Variants in PPFIA1 observed in about 807,000 individuals in gnomAD.
PPFIA1 encodes liprin-alpha-1.
PPFIA1 carries 25 observed loss-of-function variants against 149.9 expected under a neutral mutation model. The ratio of observed to expected loss-of-function variants is 0.17; its 90% CI spans 0.12 to 0.23. The LOEUF is 0.23. Ranked by LOEUF, PPFIA1 falls within the 10% of genes least tolerant of loss-of-function variation. PPFIA1 has a pLI of 1.00. For synonymous variants in PPFIA1, 549 were observed against 552.8 expected (o/e 0.99, Z 0.10); for missense variants, 1,362 against 1,506.5 (o/e 0.90, Z 1.59).
At chr11:70,331,088 T>C (rs2054623609) in intron 8 of PPFIA1, among the ~76,000 whole-genome samples, 1 of 151,648 alleles carries the variant, frequency 6.6e-6, no homozygotes, top group Admixed American at 6.6e-5. Context: ...AAAAATTAGC[T>C]GGGCTTGGTG....
chr11:70,303,963 G>A (rs934669607), intron 2 of PPFIA1, among the ~76,000 whole-genome samples: 8 of 152,118 alleles, frequency 5.3e-5, no homozygotes, highest in South Asian at 2.1e-4. Context: ...CTGAGATCGC[G>A]CCACTGCACT....
chr11:70,270,921 G>A lies in PPFIA1; in HGVS notation c.-1+7G>A, dbSNP rs1271452130. 4.0e-5 allele frequency: 6 copies of A among 151,562 alleles called. No homozygotes were observed. The highest frequency in any genetic ancestry group is 1.2e-4 in the African/African-American group (5 of 41,372). 9.4% of individuals were successfully genotyped at this position (151,562 alleles called of 1,614,324 possible). On this transcript the variant is annotated splice_region_variant and intron_variant, in intron 1 of 27. Coordinates refer to ENST00000253925, the MANE Select transcript of PPFIA1 (RefSeq NM_003626.5). ...GCTCCCGCCGGCGAGCAAGGTAAGG[G>A]AGCGGGACACTGAGGCAGGCTCGGG...
intron 14 of PPFIA1, 99 bp downstream of exon 14, chr11:70,339,405 G>T (rs1168577220): frequency 1.5e-5 from 20 of 1,354,410 alleles, no homozygotes; most frequent in Non-Finnish European, 1.9e-5. Flanking sequence ...ATAGGTCATT[G>T]CTTTCTTGCC....
At chr11:70,277,060 A>ATATATATATATATATATATATTT in intron 2 of PPFIA1, among the ~76,000 whole-genome samples, 2 of 66,310 alleles carry the variant, frequency 3.0e-5, no homozygotes, top group African/African-American at 2.3e-4. Flanking sequence ...ATATATATAT[A>ATATATATATATATATATATATTT]TTTTTTTTTT....
At chr11:70,354,497 C>T (rs776265677) in intron 17 of PPFIA1, 45 bp downstream of exon 17, 10 of 1,542,286 alleles carry the variant, frequency 6.5e-6, no homozygotes, top group East Asian at 2.3e-5. Flanking sequence ...CCTGTCTTTT[C>T]GTTTCTGGTG....
In PPFIA1 at chr11:70,331,941, C is replaced by G; in HGVS notation, c.1078-19C>G. ...CTAGAAGATTTGTTGCATTTTGATG[C>G]TTTGCTCTCATTTTATAGACTGAAG... On this transcript the variant is annotated intron_variant, in intron 8 of 27. Coordinates refer to ENST00000253925, the MANE Select transcript of PPFIA1 (RefSeq NM_003626.5). 1.3e-6 allele frequency: 2 copies of G among 1,594,930 alleles called. No homozygotes were observed. Among genetic ancestry groups the G allele is most frequent in the Non-Finnish European group, 1.7e-6 (2 of 1,173,536 alleles).
chr11:70,355,961 G>GT, intron 18 of PPFIA1, 150 bp downstream of exon 18: 1 of 1,129,242 alleles, frequency 8.9e-7, no homozygotes. Context: ...GAGAGCAGCA[G>GT]TTTATGCTCA....
intron 2 of PPFIA1, among the ~76,000 whole-genome samples, chr11:70,298,707 C>A (rs2052263853): frequency 6.6e-6 from 1 of 152,178 alleles, no homozygotes; most frequent in East Asian, 1.9e-4. Flanking sequence ...AAGAGCTTCC[C>A]TGCCTCCCCA....
At chr11:70,318,721 G>A (rs903206200) in intron 2 of PPFIA1, among the ~76,000 whole-genome samples, 1 of 152,196 alleles carries the variant, frequency 6.6e-6, no homozygotes, top group African/African-American at 2.4e-5. Context: ...AGTCACCATC[G>A]ATCTCCATTC....
chr11:70,365,363 G>A (rs1331209443), intron 21 of PPFIA1: 1 of 456,486 alleles, frequency 2.2e-6, no homozygotes. Flanking sequence ...GTGCACTGGG[G>A]TCACCTTAGA....
chr11:70,365,039 T>G, intron 21 of PPFIA1: 1 of 167,620 alleles, frequency 6.0e-6, no homozygotes, highest in Non-Finnish European at 1.3e-5. Flanking sequence ...TTGTTGTTAA[T>G]CTGCTTTAAA....
chr11:70,354,622 T>C (rs1381412654), intron 17 of PPFIA1, among the ~76,000 whole-genome samples, 170 bp downstream of exon 17: 4 of 152,188 alleles, frequency 2.6e-5, no homozygotes, highest in African/African-American at 7.2e-5. Context: ...TGCTCTGGGC[T>C]ATAGTGAAAT....
Position 70,343,723 on chromosome 11 carries a change from G to A in PPFIA1, c.1762G>A (p.Ala588Thr). The A allele has an allele frequency of 6.2e-7, 1 of 1,614,250 alleles. No individual in the cohort carries two copies. Among genetic ancestry groups the A allele is most frequent in the Non-Finnish European group, 8.5e-7 (1 of 1,180,042 alleles). ...ACGTGCCCAGCAAGCTAGTGTCTTGGCAAATGTAGCACAAGCATTCGAGAG... is the reference window on the plus strand; with the variant it reads ...ACGTGCCCAGCAAGCTAGTGTCTTGACAAATGTAGCACAAGCATTCGAGAG... ...WERAQQASVL[A>T]NVAQAFESDA... is the part of the protein sequence containing the mutation. Residue 588 changes from alanine to threonine, a missense_variant, in exon 15 of 28, where the codon GCA becomes ACA. Physicochemically the swap from Ala to Thr is moderately conservative, Grantham distance 58 (BLOSUM62 0). This residue lies in a region of PPFIA1 where 733 missense variants were observed against 744.1 expected (regional missense o/e 0.99). Transcript: ENST00000253925.
intron 2 of PPFIA1, among the ~76,000 whole-genome samples, chr11:70,273,149 G>A (rs1296105949): frequency 2.6e-5 from 4 of 152,076 alleles, no homozygotes; most frequent in Admixed American, 6.6e-5. Flanking sequence ...GTGGTAGCGC[G>A]CATCTGTAGT....
intron 21 of PPFIA1, chr11:70,364,450 C>G (rs999057348): frequency 1.3e-5 from 2 of 152,214 alleles, no homozygotes; most frequent in Non-Finnish European, 2.9e-5. Flanking sequence ...CTTTTAGTCT[C>G]CTCAGGAGAA....
intron 2 of PPFIA1, among the ~76,000 whole-genome samples, chr11:70,299,942 G>T (rs187364175): frequency 1.3e-5 from 2 of 152,286 alleles, no homozygotes; most frequent in African/African-American, 4.8e-5. Flanking sequence ...CTGTCTAGGC[G>T]CAGGAACAGA....
intron 21 of PPFIA1, chr11:70,364,436 T>C (rs2056815077): frequency 6.6e-6 from 1 of 152,252 alleles, no homozygotes; most frequent in Non-Finnish European, 1.5e-5. Context: ...ATTCCCAGTC[T>C]CTGCTTTTAG....
At chr11:70,359,274 A>T (rs2056515946) in intron 19 of PPFIA1, among the ~76,000 whole-genome samples, 1 of 152,172 alleles carries the variant, frequency 6.6e-6, no homozygotes, top group South Asian at 2.1e-4. Flanking sequence ...TCTGCCTCTC[A>T]AAGTGTTGGG....
intron 2 of PPFIA1, among the ~76,000 whole-genome samples, chr11:70,320,637 A>G (rs144952996): frequency 0.012 from 1,874 of 151,676 alleles, 24 homozygotes; most frequent in Middle Eastern, 0.024. Context: ...GGGTCTCACT[A>G]TGTTGCCCAA....
Sources: gnomAD v4.1 joint callset for allele counts (sites outside exome capture counted in the v4.1 genomes callset) on GRCh38, gnomAD v4.1.1 for gene constraint, gnomAD v4.1.1 regional missense constraint, MANE v1.5 for transcripts, NCBI Gene and HGNC (gene_info 2026-07-23, HGNC 2026-07-21) for gene names.